Variants in NEDD4L observed in about 807,000 individuals in gnomAD.
NEDD4L encodes E3 ubiquitin-protein ligase NEDD4-like.
A neutral mutation model predicts 148.9 loss-of-function variants in NEDD4L; 54 were observed. That is an observed-to-expected ratio of 0.36 (90% confidence interval 0.29 to 0.45). NEDD4L has a LOEUF of 0.45. NEDD4L is among the 20% of genes least tolerant of loss of function. The pLI is 1.00. For synonymous variants in NEDD4L, 433 were observed against 440.7 expected, an observed-to-expected ratio of 0.98 and a Z score of 0.22; for missense variants, 856 against 1,233.8, an observed-to-expected ratio of 0.69 and a Z score of 4.59.
In NEDD4L at chr18:58,251,559, C is replaced by G. The variant is rs529642565; in HGVS notation, c.244-442C>G. Among the ~76,000 whole-genome samples, 6 of 146,502 alleles carry G rather than the reference C, an allele frequency of 4.1e-5. No individual in the cohort carries two copies. The South Asian group carries it at 8.9e-4, about 22-fold the overall frequency. Reference sequence around the variant, plus strand: ...TTTGTGTGTATGTGTGTGTGTGTGTCTCTCTCTACACACACACACACACAG... The same window carrying G: ...TTTGTGTGTATGTGTGTGTGTGTGTGTCTCTCTACACACACACACACACAG... On this transcript the variant is annotated intron_variant, in intron 4 of 30. Coordinates refer to ENST00000400345, the MANE Select transcript of NEDD4L (RefSeq NM_001144967.3).
At chr18:58,050,729 C>T (rs1271983612) in intron 1 of NEDD4L, among the ~76,000 whole-genome samples, 1 of 151,994 alleles carries the variant, frequency 6.6e-6, no homozygotes, top group African/African-American at 2.4e-5. Context: ...CCATTGTGCT[C>T]CAGCCTGGGC....
chr18:58,199,538 T>C lies in NEDD4L; in HGVS notation c.122+33677T>C, dbSNP rs73961522. ...GCTCACGCTTGTAATCCCGGCACTT[T>C]AGGAGGCTGGGGCATGAGGATTGCT... is the stretch of plus-strand genomic sequence containing the variant. On this transcript the variant is annotated intron_variant, in intron 2 of 30. Coordinates refer to ENST00000400345, the MANE Select transcript of NEDD4L (RefSeq NM_001144967.3). Among the ~76,000 whole-genome samples the C allele has an allele frequency of 9.7e-3, 1,483 of 152,234 alleles. 21 individuals are homozygous for C. The highest frequency in any genetic ancestry group is 0.032 in the African/African-American group (1,341 of 41,524).
chr18:58,193,411 G>A (rs942260413), intron 2 of NEDD4L, among the ~76,000 whole-genome samples: 9 of 152,152 alleles, frequency 5.9e-5, no homozygotes, highest in African/African-American at 1.7e-4. Flanking sequence ...CCACTACTAC[G>A]TGTAGACACA....
chr18:58,088,748 C>T (rs1218085815), intron 1 of NEDD4L, among the ~76,000 whole-genome samples: 1 of 152,044 alleles, frequency 6.6e-6, no homozygotes, highest in Non-Finnish European at 1.5e-5. Flanking sequence ...AGCTTGGTTT[C>T]CATTGTTGCC....
At chr18:58,284,794 A>G (rs1036673390) in intron 5 of NEDD4L, among the ~76,000 whole-genome samples, 4 of 152,222 alleles carry the variant, frequency 2.6e-5, no homozygotes, top group African/African-American at 9.6e-5. Context: ...CACCATGGCC[A>G]TAGAGAATGG....
intron 2 of NEDD4L, among the ~76,000 whole-genome samples, chr18:58,213,084 G>A (rs566874184): frequency 1.2e-4 from 18 of 152,292 alleles, no homozygotes; most frequent in South Asian, 6.2e-4. Flanking sequence ...TTGATAGCAA[G>A]GCTGTAATAG....
intron 1 of NEDD4L, 59 bp downstream of exon 1, chr18:58,044,767 A>G: frequency 6.3e-7 from 1 of 1,580,220 alleles, no homozygotes; most frequent in Non-Finnish European, 8.6e-7. Flanking sequence ...CCGCGCCGGC[A>G]GGGGGAGGGG....
chr18:58,098,934 G>A (rs2145449651), intron 1 of NEDD4L, among the ~76,000 whole-genome samples: 1 of 152,314 alleles, frequency 6.6e-6, no homozygotes, highest in Admixed American at 6.5e-5. Flanking sequence ...GCTAAACCAT[G>A]TGGTAAGCAG....
At chr18:58,359,211 C>T (rs2045140196) in intron 19 of NEDD4L, among the ~76,000 whole-genome samples, 1 of 151,966 alleles carries the variant, frequency 6.6e-6, no homozygotes, top group South Asian at 2.1e-4. Flanking sequence ...TTTCTCTGTT[C>T]GTATTTGCTG....
intron 2 of NEDD4L, 42 bp from the exon 3 acceptor site, chr18:58,245,385 T>A: frequency 1.1e-6 from 1 of 945,380 alleles, no homozygotes; most frequent in South Asian, 1.6e-5. Context: ...CTCTTTTGAA[T>A]GAAAAGTATA....
chr18:58,399,002 G>A lies in NEDD4L; in HGVS notation c.*2733G>A, dbSNP rs1170345259. The A allele has an allele frequency of 1.3e-5, 2 of 152,272 alleles. No individual in the cohort carries two copies. The highest frequency in any genetic ancestry group is 6.5e-5 in the Admixed American group (1 of 15,288). The allele number at this position is 152,272 out of a possible 1,614,324, so 9.4% of individuals were successfully genotyped here. ...AAATCACCTTAATGCAGTCTCTTTAGTTGTCTGCTGAAGCTGTAGTTATTA... is the reference window on the plus strand; with the variant it reads ...AAATCACCTTAATGCAGTCTCTTTAATTGTCTGCTGAAGCTGTAGTTATTA... On this transcript the variant is annotated 3_prime_UTR_variant, in exon 31 of 31. Transcript: ENST00000400345.
At chr18:58,184,885 A>ACG (rs1568347288) in intron 2 of NEDD4L, among the ~76,000 whole-genome samples, 4 of 151,570 alleles carry the variant, frequency 2.6e-5, no homozygotes, top group Admixed American at 6.6e-5. Flanking sequence ...CCGAGATGGC[A>ACG]CCACTGCACT....
At chr18:58,167,311 T>C (rs987560913) in intron 2 of NEDD4L, among the ~76,000 whole-genome samples, 2 of 152,224 alleles carry the variant, frequency 1.3e-5, no homozygotes, top group African/African-American at 4.8e-5. Context: ...TCTCTAGGCA[T>C]GGGCAGAAGG....
chr18:58,185,104 C>T (rs538778844), intron 2 of NEDD4L, among the ~76,000 whole-genome samples: 1 of 152,256 alleles, frequency 6.6e-6, no homozygotes, highest in East Asian at 1.9e-4. Flanking sequence ...GTACTTGTAG[C>T]AGCAGTATGG....
intron 5 of NEDD4L, among the ~76,000 whole-genome samples, chr18:58,276,233 T>A (rs1385976770): frequency 7.2e-6 from 1 of 139,686 alleles, no homozygotes; most frequent in African/African-American, 2.7e-5. Flanking sequence ...GGGGGTGGTT[T>A]TCTGAGACGG....
At chr18:58,225,916 T>G (rs1250185585) in intron 2 of NEDD4L, among the ~76,000 whole-genome samples, 2 of 152,220 alleles carry the variant, frequency 1.3e-5, no homozygotes, top group African/African-American at 4.8e-5. Context: ...CAGCACAGTT[T>G]TGTTTTCTTC....
chr18:58,343,174 T>C, intron 16 of NEDD4L, 71 bp downstream of exon 16: 2 of 1,410,576 alleles, frequency 1.4e-6, no homozygotes, highest in South Asian at 1.5e-5. Context: ...ATTTCCTTAG[T>C]GTTTGTAGTT....
At chr18:58,063,949 C>CTTTTTTTTTTTTTTTTTTT (rs58608106) in intron 1 of NEDD4L, among the ~76,000 whole-genome samples, 2 of 129,830 alleles carry the variant, frequency 1.5e-5, no homozygotes, top group Non-Finnish European at 3.2e-5. Flanking sequence ...TATAATGTTT[C>CTTTTTTTTTTTTTTTTTTT]TTTTTTTTTT....
intron 1 of NEDD4L, among the ~76,000 whole-genome samples, chr18:58,077,989 C>T (rs1396028657): frequency 6.7e-6 from 1 of 148,502 alleles, no homozygotes; most frequent in Non-Finnish European, 1.5e-5. Context: ...GACCAAAATG[C>T]CAATAGTGCT....
Sources: allele counts gnomAD v4.1 joint callset (sites outside exome capture counted in the v4.1 genomes callset), GRCh38; gene constraint gnomAD v4.1.1; transcripts MANE v1.5; gene names NCBI Gene and HGNC (gene_info 2026-07-23, HGNC 2026-07-21).